IL31RA: variants seen among roughly 807,000 people sequenced by gnomAD.
IL31RA encodes interleukin 31 receptor A, also known as interleukin-31 receptor subunit alpha.
Under a neutral mutation model 83.7 loss-of-function variants are expected in IL31RA, and 66 were observed. The ratio of observed to expected loss-of-function variants is 0.79; its 90% confidence interval spans 0.65 to 0.97. The LOEUF (loss-of-function observed/expected upper bound fraction) is 0.97. Ranked by LOEUF, IL31RA falls within the 50% of genes least tolerant of loss-of-function variation. The pLI is 0.00. For synonymous variants in IL31RA, 325 were observed against 329.0 expected (o/e 0.99, Z 0.13); for missense variants, 798 against 919.4 (o/e 0.87, Z 1.71).
the IL31RA span, among the ~76,000 whole-genome samples, chr5:55,840,291 T>C: frequency 6.6e-6 from 1 of 152,160 alleles, no homozygotes; most frequent in Middle Eastern, 3.2e-3. Flanking sequence ...AGGCAACAAA[T>C]TGGAACTTTT....
At chr5:55,864,356 C>A (rs1745883534) in intron 2 of IL31RA, among the ~76,000 whole-genome samples, 1 of 139,048 alleles carries the variant, frequency 7.2e-6, no homozygotes, top group African/African-American at 2.7e-5. Flanking sequence ...CACACACACA[C>A]CACACACACT....
At chr5:55,844,797 T>G in the IL31RA span, among the ~76,000 whole-genome samples, 1 of 152,192 alleles carries the variant, frequency 6.6e-6, no homozygotes, top group African/African-American at 2.4e-5. Context: ...TATTGTTTAT[T>G]TATTTTTAGT....
intron 4 of IL31RA, among the ~76,000 whole-genome samples, chr5:55,878,793 A>C (rs1207784681): frequency 2.0e-5 from 3 of 152,040 alleles, no homozygotes; most frequent in African/African-American, 7.2e-5. Context: ...GGCTGGGACT[A>C]CAGGCACACA....
At chr5:55,916,539 G>T in intron 14 of IL31RA, 105 bp from the exon 15 acceptor site, 1 of 921,452 alleles carries the variant, frequency 1.1e-6, no homozygotes, top group South Asian at 1.3e-5. Context: ...GAAGGTGGGG[G>T]CTGTTCCAGA....
At chr5:55,896,244 A>T in intron 6 of IL31RA, 106 bp from the exon 7 acceptor site, 1 of 783,156 alleles carries the variant, frequency 1.3e-6, no homozygotes, top group Non-Finnish European at 2.3e-6. Context: ...CCTTATTCCC[A>T]ATGGCTCCCT....
chr5:55,865,977 C>G (rs895086026), intron 2 of IL31RA, among the ~76,000 whole-genome samples: 2 of 152,200 alleles, frequency 1.3e-5, no homozygotes, highest in African/African-American at 4.8e-5. Flanking sequence ...GTCTGATCCC[C>G]CTCTGCCATC....
At chr5:55,887,424 G>T (rs1467830493) in intron 5 of IL31RA, among the ~76,000 whole-genome samples, 3 of 152,120 alleles carry the variant, frequency 2.0e-5, no homozygotes, top group Non-Finnish European at 4.4e-5. Context: ...TCTTAGAAAG[G>T]GATCTCAAAA....
chr5:55,896,507 T>G, intron 7 of IL31RA, 78 bp downstream of exon 7: 1 of 727,000 alleles, frequency 1.4e-6, no homozygotes, highest in Non-Finnish European at 2.3e-6. Context: ...CTTCCCTCCC[T>G]TCCATCCCTT....
intron 4 of IL31RA, among the ~76,000 whole-genome samples, chr5:55,877,631 AT>A (rs918015540): frequency 6.6e-6 from 1 of 151,904 alleles, no homozygotes; most frequent in African/African-American, 2.4e-5. Flanking sequence ...TCAGTTGACA[AT>A]TTTTTTTCTC....
intron 6 of IL31RA, among the ~76,000 whole-genome samples, chr5:55,893,580 A>G (rs959411950): frequency 2.6e-5 from 4 of 152,064 alleles, no homozygotes; most frequent in African/African-American, 7.2e-5. Context: ...AAAATCCATG[A>G]TCAATTTACG....
the IL31RA span, among the ~76,000 whole-genome samples, chr5:55,842,110 T>C: frequency 1.3e-5 from 2 of 152,196 alleles, no homozygotes; most frequent in Non-Finnish European, 2.9e-5. Flanking sequence ...TCCTAGCTTG[T>C]TGTGGCTCCA....
intron 12 of IL31RA, among the ~76,000 whole-genome samples, chr5:55,913,145 C>A (rs1202493416): frequency 6.6e-6 from 1 of 152,006 alleles, no homozygotes; most frequent in Admixed American, 6.6e-5. Context: ...GGCTGGAGTG[C>A]AACAGCATGA....
Position 55,918,827 on chromosome 5 carries a change from T to C in IL31RA, c.*1707T>C, listed in dbSNP as rs955761465. Among the ~76,000 whole-genome samples the C allele has an allele frequency of 6.6e-6, 1 of 151,776 alleles. No homozygotes were observed. The highest frequency in any genetic ancestry group is 6.6e-5 in the Admixed American group (1 of 15,246). On this transcript the variant is annotated 3_prime_UTR_variant, in exon 15 of 15. Coordinates refer to ENST00000652347, the MANE Select transcript of IL31RA (RefSeq NM_139017.7). ...CCACCACCCACCCAGGACTCAGTAC[T>C]CCTGGTTTACGGAACAGTGACTTCT...
At chr5:55,861,100 T>C (rs1358996189) in intron 2 of IL31RA, among the ~76,000 whole-genome samples, 2 of 152,218 alleles carry the variant, frequency 1.3e-5, no homozygotes, top group African/African-American at 4.8e-5. Context: ...TTTGAGGTAC[T>C]GGGGGTTAGG....
chr5:55,871,162 A>G (rs1376526646), intron 3 of IL31RA, among the ~76,000 whole-genome samples: 1 of 152,240 alleles, frequency 6.6e-6, no homozygotes, highest in Non-Finnish European at 1.5e-5. Flanking sequence ...CAAGTCACAC[A>G]GTTAATAGGG....
chr5:55,865,635 A>G (rs548065877), intron 2 of IL31RA, among the ~76,000 whole-genome samples: 1 of 152,178 alleles, frequency 6.6e-6, no homozygotes, highest in Non-Finnish European at 1.5e-5. Context: ...GTTGAAATAT[A>G]TATAATATTA....
intron 8 of IL31RA, among the ~76,000 whole-genome samples, chr5:55,900,875 G>A (rs1748765828): frequency 6.6e-6 from 1 of 151,698 alleles, no homozygotes; most frequent in South Asian, 2.1e-4. Context: ...GTGATTTTTT[G>A]TCTGTTTTCC....
chr5:55,881,051 T>G (rs1747180638), intron 4 of IL31RA, among the ~76,000 whole-genome samples: 1 of 151,940 alleles, frequency 6.6e-6, no homozygotes, highest in African/African-American at 2.4e-5. Flanking sequence ...GCCTGTAATC[T>G]CAGCACTTTG....
chr5:55,867,242 TG>T (rs1561543497), intron 2 of IL31RA, among the ~76,000 whole-genome samples: 12 of 114,996 alleles, frequency 1.0e-4, no homozygotes, highest in Admixed American at 1.9e-4. Flanking sequence ...TTTGTGTGTG[TG>T]TTTGTGTGTG....
Sources: allele counts gnomAD v4.1 joint callset (sites outside exome capture counted in the v4.1 genomes callset), GRCh38; gene constraint gnomAD v4.1.1; transcripts MANE v1.5; gene names NCBI Gene and HGNC (gene_info 2026-07-23, HGNC 2026-07-21).